Variants in TENM3 observed in about 807,000 individuals in gnomAD.
The protein encoded by TENM3 is teneurin-3.
In TENM3, 63 loss-of-function variants were observed where a neutral mutation model predicts 255.1. The observed-to-expected ratio is 0.25, with a 90% CI of 0.20 to 0.30. The LOEUF (loss-of-function observed/expected upper bound fraction) is 0.30, where lower values mean the gene tolerates loss of function less well. TENM3 is among the 10% of genes least tolerant of loss of function. TENM3 has a pLI of 1.00. For synonymous variants in TENM3, 1,306 were observed against 1,322.3 expected (o/e 0.99, Z 0.27); for missense variants, 2,929 against 3,461.1 (o/e 0.85, Z 3.86).
intron 3 of TENM3, among the ~76,000 whole-genome samples, chr4:182,502,230 A>G (rs1159257717): frequency 6.6e-6 from 1 of 152,170 alleles, no homozygotes; most frequent in Admixed American, 6.5e-5. Context: ...AGCGTTTAGG[A>G]TGGCGACTTT....
intron 3 of TENM3, among the ~76,000 whole-genome samples, chr4:182,528,225 C>G (rs893859287): frequency 6.6e-6 from 1 of 152,190 alleles, no homozygotes; most frequent in Non-Finnish European, 1.5e-5. Flanking sequence ...TCAAGCAACT[C>G]TCCTGCCTCA....
At chr4:182,782,447 C>CAT (rs1227253744) in intron 24 of TENM3, among the ~76,000 whole-genome samples, 1 of 123,490 alleles carries the variant, frequency 8.1e-6, no homozygotes, top group Non-Finnish European at 1.6e-5. Context: ...TGTTCTTTTA[C>CAT]ATTTGCAGAG....
At chr4:181,892,106 ATT>A in the TENM3 span, among the ~76,000 whole-genome samples, 1 of 152,168 alleles carries the variant, frequency 6.6e-6, no homozygotes, top group Non-Finnish European at 1.5e-5. Context: ...TGAAAAATAA[ATT>A]TCTATTCTTT....
chr4:181,950,769 A>T, the TENM3 span, among the ~76,000 whole-genome samples: 1 of 152,190 alleles, frequency 6.6e-6, no homozygotes, highest in Non-Finnish European at 1.5e-5. Flanking sequence ...AACCAGACAC[A>T]GTTGCTCATG....
the TENM3 span, among the ~76,000 whole-genome samples, chr4:181,946,674 G>A: frequency 2.0e-5 from 3 of 152,056 alleles, no homozygotes; most frequent in African/African-American, 7.2e-5. Flanking sequence ...TTGCTGGGAG[G>A]TAATAATTTG....
chr4:181,990,955 A>G, the TENM3 span, among the ~76,000 whole-genome samples: 1 of 152,120 alleles, frequency 6.6e-6, no homozygotes, highest in African/African-American at 2.4e-5. Context: ...TGATGATTCC[A>G]TGTGGTCAAA....
chr4:181,531,969 C>G, the TENM3 span, among the ~76,000 whole-genome samples: 1 of 152,242 alleles, frequency 6.6e-6, no homozygotes, highest in Non-Finnish European at 1.5e-5. Context: ...CACAACCATC[C>G]CCAGGTGTCT....
chr4:182,496,164 T>G (rs958958412), intron 3 of TENM3, among the ~76,000 whole-genome samples: 1 of 152,204 alleles, frequency 6.6e-6, no homozygotes, highest in African/African-American at 2.4e-5. Context: ...GTCTCACTGT[T>G]CTTGGTTTAC....
chr4:181,605,542 GA>G, the TENM3 span, among the ~76,000 whole-genome samples: 1 of 25,782 alleles, frequency 3.9e-5, no homozygotes, highest in Non-Finnish European at 1.1e-4. Flanking sequence ...AAGAAAGAAA[GA>G]AAGAAAGAAA....
chr4:182,730,707 G>C (rs904636099), intron 15 of TENM3, among the ~76,000 whole-genome samples, 171 bp from the exon 16 acceptor site: 2 of 152,186 alleles, frequency 1.3e-5, no homozygotes, highest in Non-Finnish European at 2.9e-5. Flanking sequence ...TAGGACACAA[G>C]AGTATTTATT....
chr4:181,982,600 A>C, the TENM3 span, among the ~76,000 whole-genome samples: 1 of 152,184 alleles, frequency 6.6e-6, no homozygotes, highest in Admixed American at 6.6e-5. Context: ...ACTAAATTGC[A>C]TACTCGAAGC....
At chr4:182,184,864 C>G (rs572101773) in intron 1 of TENM3, among the ~76,000 whole-genome samples, 4 of 152,176 alleles carry the variant, frequency 2.6e-5, no homozygotes, top group African/African-American at 9.6e-5. Context: ...AGGTGTATCA[C>G]CTGAGGTCAG....
At chr4:182,154,151 C>G (rs962211181) in intron 1 of TENM3, among the ~76,000 whole-genome samples, 1 of 143,712 alleles carries the variant, frequency 7.0e-6, no homozygotes, top group African/African-American at 2.6e-5. Flanking sequence ...TTTTTTTTTT[C>G]CTTAAAAGAA....
At chr4:182,590,556 A>AAAAAAG (rs1746514713) in intron 3 of TENM3, among the ~76,000 whole-genome samples, 2 of 150,450 alleles carry the variant, frequency 1.3e-5, no homozygotes, top group African/African-American at 4.9e-5. Flanking sequence ...AAAAAAAAAA[A>AAAAAAG]AAAAAGAAAA....
intron 1 of TENM3, among the ~76,000 whole-genome samples, chr4:182,275,180 G>C (rs138831435): frequency 6.6e-6 from 1 of 152,058 alleles, no homozygotes; most frequent in Non-Finnish European, 1.5e-5. Flanking sequence ...TTGTCGTCTC[G>C]TGTAATGGCA....
At chr4:181,939,433 G>T in the TENM3 span, among the ~76,000 whole-genome samples, 1 of 152,212 alleles carries the variant, frequency 6.6e-6, no homozygotes, top group Admixed American at 6.5e-5. Context: ...AGGCCAGGAA[G>T]ATATAAATAA....
At chr4:182,125,599 T>TTTATCA in the TENM3 span, among the ~76,000 whole-genome samples, 2 of 152,112 alleles carry the variant, frequency 1.3e-5, no homozygotes, top group South Asian at 2.1e-4. Flanking sequence ...AAAACTTTCA[T>TTTATCA]TGGATTTAAA....
the TENM3 span, among the ~76,000 whole-genome samples, chr4:181,730,338 T>C: frequency 6.6e-6 from 1 of 152,186 alleles, no homozygotes; most frequent in Non-Finnish European, 1.5e-5. Flanking sequence ...AAGGAACGCT[T>C]GCAATGCATG....
intron 3 of TENM3, among the ~76,000 whole-genome samples, chr4:182,581,476 G>A (rs1016401341): frequency 7.2e-5 from 11 of 152,216 alleles, no homozygotes; most frequent in African/African-American, 2.2e-4. Context: ...AGTGACTCAC[G>A]CCTGTAATCC....
Sources: allele counts gnomAD v4.1 joint callset (sites outside exome capture counted in the v4.1 genomes callset), GRCh38; gene constraint gnomAD v4.1.1; transcripts MANE v1.5; gene names NCBI Gene and HGNC (gene_info 2026-07-23, HGNC 2026-07-21).